The following KHDRBS2 variants were observed in gnomAD, a reference collection of about 807,000 sequenced individuals.
The protein encoded by KHDRBS2 is KH RNA binding domain containing, signal transduction associated 2.
KHDRBS2 carries 26 observed loss-of-function variants against 44.3 expected under a neutral mutation model. The ratio of observed to expected loss-of-function variants is 0.59; its 90% confidence interval spans 0.43 to 0.81. The LOEUF is 0.81. Ranked by LOEUF, KHDRBS2 falls within the 40% of genes least tolerant of loss-of-function variation. The pLI is 0.00. For missense variants in KHDRBS2, 476 were observed against 433.1 expected (o/e 1.10, Z -0.88); for synonymous variants, 194 against 151.1 (o/e 1.28, Z -2.08).
At chr6:61,855,367 T>C (rs1795997916) in intron 6 of KHDRBS2, among the ~76,000 whole-genome samples, 1 of 152,076 alleles carries the variant, frequency 6.6e-6, no homozygotes, top group African/African-American at 2.4e-5. Flanking sequence ...CCATTACTAG[T>C]TGTTTTACTT....
At chr6:61,653,248 AG>A in the KHDRBS2 span, among the ~76,000 whole-genome samples, 1 of 152,106 alleles carries the variant, frequency 6.6e-6, no homozygotes, top group Admixed American at 6.6e-5. Context: ...AACTTGTTAA[AG>A]TGCCTCTGTT....
At chr6:62,209,743 CAGA>C (rs1164990411) in intron 1 of KHDRBS2, among the ~76,000 whole-genome samples, 1 of 152,148 alleles carries the variant, frequency 6.6e-6, no homozygotes, top group Non-Finnish European at 1.5e-5. Flanking sequence ...ATAAAGTAGG[CAGA>C]AGAAGTTGGA....
chr6:61,916,274 A>G (rs1024888212), intron 4 of KHDRBS2, among the ~76,000 whole-genome samples: 1 of 152,074 alleles, frequency 6.6e-6, no homozygotes, highest in African/African-American at 2.4e-5. Flanking sequence ...GTACATGTAA[A>G]GACAGAGAAT....
chr6:61,762,488 A>C (rs1036045545), intron 6 of KHDRBS2, among the ~76,000 whole-genome samples: 1 of 152,138 alleles, frequency 6.6e-6, no homozygotes. Context: ...GTAATGAGTG[A>C]GTTCTTGCTC....
chr6:62,262,861 C>T (rs574389615), intron 1 of KHDRBS2, among the ~76,000 whole-genome samples: 55 of 151,758 alleles, frequency 3.6e-4, no homozygotes, highest in African/African-American at 1.2e-3. Flanking sequence ...ATGACAAATA[C>T]ATAGAAAATA....
At chr6:61,844,813 TTGAC>T (rs1794136830) in intron 6 of KHDRBS2, among the ~76,000 whole-genome samples, 1 of 152,200 alleles carries the variant, frequency 6.6e-6, no homozygotes, top group Admixed American at 6.5e-5. Flanking sequence ...TTTTAGTTAT[TTGAC>T]TATCTTTATT....
the KHDRBS2 span, among the ~76,000 whole-genome samples, chr6:61,636,202 A>G: frequency 6.6e-6 from 1 of 152,084 alleles, no homozygotes; most frequent in African/African-American, 2.4e-5. Context: ...TTTCATTTAC[A>G]TGTTCAAATG....
At chr6:62,207,069 A>G (rs1298959052) in intron 1 of KHDRBS2, among the ~76,000 whole-genome samples, 2 of 152,048 alleles carry the variant, frequency 1.3e-5, no homozygotes, top group Admixed American at 1.3e-4. Flanking sequence ...TAAGACTTTA[A>G]TTTTGTAGGG....
chr6:61,560,184 C>T, the KHDRBS2 span, among the ~76,000 whole-genome samples: 1 of 152,110 alleles, frequency 6.6e-6, no homozygotes, highest in East Asian at 1.9e-4. Context: ...CATATTGGAG[C>T]TCCATTATAT....
intron 2 of KHDRBS2, among the ~76,000 whole-genome samples, chr6:62,070,309 T>C (rs1390093326): frequency 2.7e-5 from 4 of 149,414 alleles, no homozygotes; most frequent in Non-Finnish European, 5.9e-5. Flanking sequence ...ACTGGCCTTG[T>C]AAAATAAGTT....
chr6:62,047,809 G>T, intron 3 of KHDRBS2, 69 bp downstream of exon 3: 2 of 923,760 alleles, frequency 2.2e-6, no homozygotes, highest in Non-Finnish European at 3.6e-6. Context: ...AGGCATGCTT[G>T]TAAATTTGGC....
intron 2 of KHDRBS2, among the ~76,000 whole-genome samples, chr6:62,165,305 A>G (rs1004674557): frequency 6.8e-6 from 1 of 147,966 alleles, no homozygotes; most frequent in African/African-American, 2.5e-5. Context: ...TTAGACACAG[A>G]ATTTTTTTTG....
intron 6 of KHDRBS2, among the ~76,000 whole-genome samples, chr6:61,747,659 C>T (rs1180852184): frequency 1.3e-5 from 2 of 152,038 alleles, no homozygotes; most frequent in East Asian, 3.9e-4. Flanking sequence ...TCATATGGTA[C>T]CGAATGTTAC....
At chr6:62,154,202 T>C (rs1212836094) in intron 2 of KHDRBS2, among the ~76,000 whole-genome samples, 1 of 152,146 alleles carries the variant, frequency 6.6e-6, no homozygotes, top group African/African-American at 2.4e-5. Context: ...AAGGTGGGCA[T>C]AGCAGTGAAA....
intron 2 of KHDRBS2, among the ~76,000 whole-genome samples, chr6:62,156,095 A>T (rs1288638750): frequency 6.6e-6 from 1 of 152,206 alleles, no homozygotes; most frequent in Non-Finnish European, 1.5e-5. Flanking sequence ...TCAGAAAAAA[A>T]TTCTTTATAT....
At position 61,901,365 on chromosome 6, in the gene KHDRBS2, T is replaced by A; in HGVS notation, c.490A>T (p.Asn164Tyr). The change falls in exon 5 of 9, where the codon AAT (asparagine) becomes TAT (tyrosine). Residue 164 changes from asparagine (N) to tyrosine (Y), a missense_variant. Coordinates refer to ENST00000281156, the MANE Select transcript of KHDRBS2 (RefSeq NM_152688.4). ...EIKKFLVPDY[N>Y]DEIRQEQLRE... ...AGTTGTTCCTGACGAATTTCATCAT[T>A]GTAGTCCTGGAGAAAAAACATGATG... 1 of 1,612,228 alleles carries A rather than the reference T, an allele frequency of 6.2e-7. No individual in the cohort carries two copies. Among genetic ancestry groups the A allele is most frequent in the South Asian group, 1.1e-5 (1 of 90,964 alleles).
the KHDRBS2 span, among the ~76,000 whole-genome samples, chr6:61,644,336 C>G: frequency 1.8e-3 from 277 of 152,068 alleles, 3 homozygotes; most frequent in African/African-American, 6.4e-3. Flanking sequence ...AATGTAAAAC[C>G]CTGAATTATA....
At chr6:61,710,569 T>A (rs1348404149) in intron 7 of KHDRBS2, among the ~76,000 whole-genome samples, 1 of 151,428 alleles carries the variant, frequency 6.6e-6, no homozygotes, top group African/African-American at 2.4e-5. Context: ...AGACCCCAGT[T>A]TTTTTATGAC....
At chr6:61,615,862 C>T in the KHDRBS2 span, among the ~76,000 whole-genome samples, 5 of 152,110 alleles carry the variant, frequency 3.3e-5, no homozygotes, top group Admixed American at 2.6e-4. Context: ...ACATGCATTA[C>T]CTACCAGAGG....
Sources: allele counts gnomAD v4.1 joint callset (sites outside exome capture counted in the v4.1 genomes callset), GRCh38; gene constraint gnomAD v4.1.1; transcripts MANE v1.5; gene names NCBI Gene and HGNC (gene_info 2026-07-23, HGNC 2026-07-21).